Variants in HMCN1 observed in about 807,000 individuals in gnomAD.
HMCN1 encodes hemicentin-1.
Under a neutral mutation model 625.9 loss-of-function variants are expected in HMCN1, and 321 were observed. The ratio of observed to expected loss-of-function variants is 0.51; its 90% CI spans 0.47 to 0.56. HMCN1 has a LOEUF of 0.56. HMCN1 is among the 20% of genes least tolerant of loss of function. The probability of loss-of-function intolerance (pLI) is 0.00; values close to 1 mark genes in which losing one functional copy is unlikely to be tolerated. For missense variants in HMCN1, 6,588 were observed against 6,887.3 expected, an observed-to-expected ratio of 0.96 and a Z score of 1.54; for synonymous variants, 2,425 against 2,417.6, an observed-to-expected ratio of 1.00 and a Z score of -0.09.
intron 76 of HMCN1, 149 bp from the exon 77 acceptor site, chr1:186,117,310 A>G: frequency 8.7e-7 from 1 of 1,152,134 alleles, no homozygotes; most frequent in South Asian, 1.3e-5. Context: ...TCACCCAGGT[A>G]TTAACCCAGA....
Position 186,055,599 on chromosome 1 carries a change from G to A in HMCN1, c.7069G>A (p.Asp2357Asn), listed in dbSNP as rs749643394. The change falls in exon 45 of 107, where the codon GAC becomes AAC. Residue 2357 changes from aspartate (D) to asparagine (N), a missense_variant. Asp to Asn is a conservative substitution (Grantham distance 23). This residue lies in a region of HMCN1 where 4,628 missense variants were observed against 4,853.1 expected (regional missense o/e 0.95). Transcript: ENST00000271588. ...ILQLKNIHVS[D>N]TGRYVCVAVN... Reference sequence around the variant, plus strand: ...TCAGCTGAAGAACATTCATGTATCTGACACAGGCCGTTATGTGTGTGTTGC... The same window carrying A: ...TCAGCTGAAGAACATTCATGTATCTAACACAGGCCGTTATGTGTGTGTTGC... 4.3e-6 allele frequency: 7 copies of A among 1,612,734 alleles called. No homozygotes were observed. Among genetic ancestry groups the A allele is most frequent in the Non-Finnish European group, 1.7e-6 (2 of 1,179,154 alleles).
At chr1:185,795,947 AT>A (rs1336306978) in intron 1 of HMCN1, among the ~76,000 whole-genome samples, 1 of 152,118 alleles carries the variant, frequency 6.6e-6, no homozygotes, top group Admixed American at 6.5e-5. Flanking sequence ...CTACCTTATT[AT>A]TTTTTTAATT....
rs754660196 is a variant in HMCN1, at chr1:186,189,711, G to A, written c.16741G>A (p.Ala5581Thr). The A allele has an allele frequency of 1.2e-4, 193 of 1,613,302 alleles. No homozygotes were observed. The highest frequency in any genetic ancestry group is 1.5e-4 in the Non-Finnish European group (173 of 1,179,608). Reference sequence around the variant, plus strand: ...AGATGAGGAACAGACTGTTCCTTTTGCCTTGAGGGATGAAAACCTGAAAGG... The same window carrying A: ...AGATGAGGAACAGACTGTTCCTTTTACCTTGAGGGATGAAAACCTGAAAGG... The part of the protein sequence containing the change: ...MVDEEQTVPF[A>T]LRDENLKGVV... The change falls in exon 107 of 107, where the codon GCC becomes ACC. Residue 5581 changes from alanine to threonine, a missense_variant. Physicochemically the swap from Ala to Thr is moderately conservative, Grantham distance 58. Transcript: ENST00000271588.
At chr1:186,016,649 A>G (rs1198011909) in intron 32 of HMCN1, among the ~76,000 whole-genome samples, 1 of 152,056 alleles carries the variant, frequency 6.6e-6, no homozygotes, top group African/African-American at 2.4e-5. Flanking sequence ...TAGATGCCCA[A>G]TTTTGGGGGT....
At chr1:185,982,430 A>G (rs749758431) in intron 18 of HMCN1, 41 bp downstream of exon 18, 1 of 1,513,658 alleles carries the variant, frequency 6.6e-7, no homozygotes. Flanking sequence ...TTCTTTTGTG[A>G]GTTTTCTTTT....
At chr1:185,804,443 T>C (rs995519887) in intron 1 of HMCN1, among the ~76,000 whole-genome samples, 3 of 152,092 alleles carry the variant, frequency 2.0e-5, no homozygotes, top group Non-Finnish European at 2.9e-5. Flanking sequence ...TTGAGAGTGC[T>C]TCACTGACTA....
In HMCN1 at chr1:186,151,734, T is replaced by G. The variant is rs537347326; in HGVS notation, c.14887T>G (p.Phe4963Val). Residue 4963 changes from phenylalanine to valine, a missense_variant, in exon 95 of 107, where the codon TTT becomes GTT. Phe to Val is a conservative substitution (Grantham distance 50, BLOSUM62 -1). Transcript: ENST00000271588. ...AVFKRETQVE[F>V]ATGEILQMSH... ...CTTCAAAAGAGAAACTCAAGTGGAA[T>G]TTGCAACTGGTTAGTGTCAGCTGAA... 1 of 1,613,652 alleles carries G rather than the reference T, an allele frequency of 6.2e-7. No individual in the cohort carries two copies. The highest frequency in any genetic ancestry group is 1.1e-5 in the South Asian group (1 of 91,062).
intron 56 of HMCN1, among the ~76,000 whole-genome samples, 173 bp downstream of exon 56, chr1:186,081,567 C>T (rs551856202): frequency 1.3e-5 from 2 of 152,288 alleles, no homozygotes; most frequent in East Asian, 1.9e-4. Flanking sequence ...TCTATTCCCA[C>T]TACCAGAGGT....
intron 97 of HMCN1, among the ~76,000 whole-genome samples, chr1:186,163,028 G>A (rs1180833540): frequency 1.3e-5 from 2 of 152,212 alleles, no homozygotes; most frequent in East Asian, 1.9e-4. Flanking sequence ...TACAGAGGCA[G>A]GCAGGCGTCC....
chr1:185,940,029 T>C (rs1668004686), intron 11 of HMCN1, among the ~76,000 whole-genome samples: 1 of 152,176 alleles, frequency 6.6e-6, no homozygotes, highest in Non-Finnish European at 1.5e-5. Context: ...CTTCCCAAGG[T>C]TTATTTGTAG....
chr1:186,085,316 C>G lies in HMCN1; in HGVS notation c.8885-930C>G, dbSNP rs149232260. Among the ~76,000 whole-genome samples, 564 of 152,182 alleles carry G rather than the reference C, an allele frequency of 3.7e-3. 4 individuals carry two copies. The highest frequency in any genetic ancestry group is 0.013 in the African/African-American group (537 of 41,522). On this transcript the variant is annotated intron_variant, in intron 57 of 106. Transcript: ENST00000271588. ...CCAAAGTTCTGGTGGCCGGAAAGTC[C>G]AAGATCAAGGTGCTGGCAGGGTTTG...
intron 98 of HMCN1, 122 bp downstream of exon 98, chr1:186,165,295 C>T (rs1651811605): frequency 2.3e-6 from 2 of 872,636 alleles, no homozygotes; most frequent in Non-Finnish European, 3.7e-6. Context: ...CTGTAAACAT[C>T]CCATTTGACA....
intron 100 of HMCN1, among the ~76,000 whole-genome samples, chr1:186,169,523 A>G (rs56174211): frequency 0.052 from 7,885 of 152,308 alleles, 234 homozygotes; most frequent in South Asian, 0.088. Flanking sequence ...CAGAGGCCTC[A>G]GAAATAACAC....
intron 1 of HMCN1, among the ~76,000 whole-genome samples, chr1:185,766,627 C>A (rs1282223164): frequency 6.6e-6 from 1 of 151,984 alleles, no homozygotes; most frequent in South Asian, 2.1e-4. Flanking sequence ...CTTAAATACA[C>A]CTTACCTAGG....
intron 4 of HMCN1, among the ~76,000 whole-genome samples, chr1:185,868,423 G>A (rs530988718): frequency 3.9e-5 from 6 of 152,054 alleles, no homozygotes; most frequent in African/African-American, 7.2e-5. Flanking sequence ...GGACCTAATC[G>A]GAGGTAATTA....
chr1:186,117,725 C>A, intron 77 of HMCN1, 102 bp downstream of exon 77: 1 of 1,136,232 alleles, frequency 8.8e-7, no homozygotes, highest in Non-Finnish European at 1.3e-6. Context: ...ATAAAATATG[C>A]ATGCATTCTT....
chr1:185,751,348 C>G (rs999588346), intron 1 of HMCN1, among the ~76,000 whole-genome samples: 2 of 151,874 alleles, frequency 1.3e-5, no homozygotes. Flanking sequence ...TTTCTGACTT[C>G]TTTTGTTGTT....
chr1:186,082,758 C>G, intron 56 of HMCN1, 107 bp from the exon 57 acceptor site: 1 of 483,448 alleles, frequency 2.1e-6, no homozygotes, highest in Non-Finnish European at 3.5e-6. Flanking sequence ...TTTTTTCTAT[C>G]TGGTATTAAA....
In HMCN1 at chr1:185,867,979, G is replaced by A. The variant is rs549263326; in HGVS notation, c.621+2116G>A. Among the ~76,000 whole-genome samples the A allele has an allele frequency of 2.6e-5, 4 of 152,092 alleles. No individual in the cohort carries two copies. In the South Asian group the frequency reaches 8.3e-4, roughly 32 times the overall value. ...AGCTACTCGGGAGGCTGAGGCAGGA[G>A]AATCACTTGAACCCGGGAGGTGGAG... is the stretch of plus-strand genomic sequence containing the variant. On this transcript the variant is annotated intron_variant, in intron 4 of 106. Transcript: ENST00000271588.
Sources: allele counts gnomAD v4.1 joint callset (sites outside exome capture counted in the v4.1 genomes callset), GRCh38; gene constraint gnomAD v4.1.1; regional missense constraint gnomAD v4.1.1; transcripts MANE v1.5; gene names NCBI Gene and HGNC (gene_info 2026-07-23, HGNC 2026-07-21).